Variants in DUSP16 observed in about 807,000 individuals in gnomAD.
DUSP16 encodes the protein dual specificity phosphatase 16.
DUSP16 carries 21 observed loss-of-function variants against 58.3 expected under a neutral mutation model. That is an observed-to-expected ratio of 0.36 (90% CI 0.26 to 0.52). DUSP16 has a LOEUF of 0.52. DUSP16 is among the 20% of genes least tolerant of loss of function. The pLI is 0.94. For missense variants in DUSP16, 726 were observed against 819.0 expected, an observed-to-expected ratio of 0.89 and a Z score of 1.39; for synonymous variants, 320 against 323.8, an observed-to-expected ratio of 0.99 and a Z score of 0.12.
At position 12,500,546 on chromosome 12, in the gene DUSP16, A is replaced by T. The variant is rs1943893454; in HGVS notation, c.504T>A (p.Leu168=). 1 of 1,610,612 alleles carries T rather than the reference A, an allele frequency of 6.2e-7. No individual in the cohort carries two copies. Among genetic ancestry groups the T allele is most frequent in the Admixed American group, 1.7e-5 (1 of 59,190 alleles). Residue 168 remains leucine (L), a synonymous_variant, in exon 4 of 7, where the codon CTT becomes CTA. Coordinates refer to ENST00000298573, the MANE Select transcript of DUSP16 (RefSeq NM_030640.3). Reference sequence around the variant, plus strand: ...TGTTGAGGACATCTCGCTGGCAGCCAAGATAAAGATTGGGAAGAATTCGGG... The same window carrying T: ...TGTTGAGGACATCTCGCTGGCAGCCTAGATAAAGATTGGGAAGAATTCGGG... ...GPTRILPNLY[L]GCQRDVLNKE...
At chr12:12,508,634 G>A (rs1944030971) in intron 3 of DUSP16, among the ~76,000 whole-genome samples, 1 of 135,322 alleles carries the variant, frequency 7.4e-6, no homozygotes, top group Non-Finnish European at 1.7e-5. Context: ...AGAGGAGAGT[G>A]GATAGATACG....
At chr12:12,531,986 G>A (rs1228351796) in intron 1 of DUSP16, among the ~76,000 whole-genome samples, 2 of 151,670 alleles carry the variant, frequency 1.3e-5, no homozygotes, top group African/African-American at 4.8e-5. Context: ...GTGAAACCCC[G>A]TCTCTACTAA....
chr12:12,520,744 CA>C, intron 2 of DUSP16, 126 bp downstream of exon 2: 1 of 1,142,574 alleles, frequency 8.8e-7, no homozygotes, highest in South Asian at 1.6e-5. Flanking sequence ...CACAAGGCAC[CA>C]AAATTTAAAA....
intron 1 of DUSP16, among the ~76,000 whole-genome samples, chr12:12,537,203 C>T (rs935107820): frequency 6.6e-6 from 1 of 151,902 alleles, no homozygotes; most frequent in Admixed American, 6.6e-5. Context: ...TTTAATAAGA[C>T]GTAACTCATG....
chr12:12,479,570 GA>G (rs113326814), intron 6 of DUSP16, among the ~76,000 whole-genome samples: 8 of 149,396 alleles, frequency 5.4e-5, no homozygotes, highest in South Asian at 2.1e-4. Context: ...TGCAATTTGA[GA>G]AAAAAAAAAT....
At chr12:12,528,388 G>A (rs1461877188) in intron 1 of DUSP16, among the ~76,000 whole-genome samples, 1 of 152,224 alleles carries the variant, frequency 6.6e-6, no homozygotes, top group Non-Finnish European at 1.5e-5. Flanking sequence ...TACTGGGCAA[G>A]AGGAAATACG....
chr12:12,520,054 A>T, intron 2 of DUSP16, 54 bp from the exon 3 acceptor site: 1 of 1,586,660 alleles, frequency 6.3e-7, no homozygotes, highest in South Asian at 1.1e-5. Context: ...GTAATCTCAA[A>T]CTACTGCTTA....
chr12:12,525,978 T>C (rs1444908343), intron 1 of DUSP16, among the ~76,000 whole-genome samples: 5 of 152,180 alleles, frequency 3.3e-5, no homozygotes, highest in African/African-American at 1.2e-4. Flanking sequence ...AAATTATCTT[T>C]TAAAGGATAA....
Position 12,521,330 on chromosome 12 carries a change from C to T in DUSP16, c.-232G>A, listed in dbSNP as rs1237974688. The T allele has an allele frequency of 7.1e-7, 1 of 1,400,846 alleles. No homozygotes were observed. The highest frequency in any genetic ancestry group is 2.7e-5 in the East Asian group (1 of 37,398). 86.8% of individuals were successfully genotyped at this position (1,400,846 alleles called of 1,614,324 possible). A position where few individuals can be genotyped will look rare whatever the true frequency, so the allele number is the denominator to read the frequency against. On this transcript the variant is annotated 5_prime_UTR_variant, in exon 2 of 7. Coordinates refer to ENST00000298573, the MANE Select transcript of DUSP16 (RefSeq NM_030640.3). ...CAAAGGACTCCGTCCACAAAGCAGC[C>T]CCTCACATTTGATTCATAAAGAGAT...
At position 12,475,918 on chromosome 12, in the gene DUSP16, T is replaced by TAAAGG. The variant is rs757995886; in HGVS notation, c.*910_*914dup. The stretch of plus-strand genomic sequence containing the variant: ...GCTTGAAACCAAGTTCATCTTTATT[T>TAAAGG]AAAGGATTGACAATCCCATTTTAAA... On this transcript the variant is annotated 3_prime_UTR_variant, in exon 7 of 7. Coordinates refer to ENST00000298573, the MANE Select transcript of DUSP16 (RefSeq NM_030640.3). 4 of 152,212 alleles carry TAAAGG rather than the reference T, an allele frequency of 2.6e-5. No homozygotes were observed. The highest frequency in any genetic ancestry group is 5.9e-5 in the Non-Finnish European group (4 of 68,032). The allele number at this position is 152,212 out of a possible 1,614,324, so 9.4% of individuals were successfully genotyped here.
intron 1 of DUSP16, among the ~76,000 whole-genome samples, chr12:12,542,665 T>C (rs1944582194): frequency 6.6e-6 from 1 of 152,152 alleles, no homozygotes. Flanking sequence ...AATTTGGTGG[T>C]ATATTAATTG....
intron 1 of DUSP16, among the ~76,000 whole-genome samples, chr12:12,547,435 AAAAC>A (rs1424514381): frequency 1.4e-5 from 2 of 145,668 alleles, no homozygotes; most frequent in African/African-American, 2.6e-5. Context: ...CAAAACAAAC[AAAAC>A]AAACAAACAA....
chr12:12,489,698 T>C (rs1943736092), intron 4 of DUSP16, among the ~76,000 whole-genome samples: 1 of 152,230 alleles, frequency 6.6e-6, no homozygotes, highest in Non-Finnish European at 1.5e-5. Flanking sequence ...AGAAAACATG[T>C]TGCAAGTCAA....
chr12:12,513,869 A>C (rs1944111811), intron 3 of DUSP16, among the ~76,000 whole-genome samples: 1 of 152,210 alleles, frequency 6.6e-6, no homozygotes, highest in Non-Finnish European at 1.5e-5. Context: ...ATTTACTTCT[A>C]ATCTGGCGCT....
At position 12,509,796 on chromosome 12, in the gene DUSP16, A is replaced by G. The variant is rs145597111; in HGVS notation, c.368-9114T>C. ...CTGTTGATGGACATAAGTCTTGTAT[A>G]TTTTTGGTGTTCCGAAGGATTTCCT... On this transcript the variant is annotated intron_variant, in intron 3 of 6. Transcript: ENST00000298573. 3.6e-3 allele frequency among the ~76,000 whole-genome samples: 547 copies of G among 152,244 alleles called. 3 individuals carry two copies. The highest frequency in any genetic ancestry group is 6.2e-3 in the Non-Finnish European group (424 of 68,006).
intron 3 of DUSP16, among the ~76,000 whole-genome samples, chr12:12,508,748 C>A (rs1026749876): frequency 6.6e-6 from 1 of 152,144 alleles, no homozygotes; most frequent in Non-Finnish European, 1.5e-5. Flanking sequence ...AACCCTATCA[C>A]GTGACACAGT....
chr12:12,552,717 ATTTT>A (rs1566059148), intron 1 of DUSP16, among the ~76,000 whole-genome samples: 1 of 152,122 alleles, frequency 6.6e-6, no homozygotes, highest in African/African-American at 2.4e-5. Flanking sequence ...TTCTCACCAG[ATTTT>A]TTTGTGTGTG....
intron 2 of DUSP16, 39 bp downstream of exon 2, chr12:12,520,832 G>A: frequency 5.0e-6 from 8 of 1,605,028 alleles, no homozygotes; most frequent in African/African-American, 1.3e-5. Context: ...CATTCAGTGT[G>A]TCCATTTATT....
intron 1 of DUSP16, among the ~76,000 whole-genome samples, chr12:12,532,016 G>C (rs1256985047): frequency 3.9e-5 from 6 of 152,116 alleles, no homozygotes; most frequent in African/African-American, 1.4e-4. Flanking sequence ...AAATTAGCCG[G>C]GCGCGGTGGC....
Sources: allele counts gnomAD v4.1 joint callset (sites outside exome capture counted in the v4.1 genomes callset), GRCh38; gene constraint gnomAD v4.1.1; transcripts MANE v1.5; gene names NCBI Gene and HGNC (gene_info 2026-07-23, HGNC 2026-07-21).